Variants in SMG6 observed in about 807,000 individuals in gnomAD.
SMG6 encodes SMG6 nonsense mediated mRNA decay factor, also known as telomerase-binding protein EST1A.
In SMG6, 66 loss-of-function variants were observed where a neutral mutation model predicts 142.2. That is an observed-to-expected ratio of 0.46 (90% CI 0.38 to 0.57). The LOEUF (loss-of-function observed/expected upper bound fraction) is 0.57, where lower values mean the gene tolerates loss of function less well. Ranked by LOEUF, SMG6 falls within the 20% of genes least tolerant of loss-of-function variation. SMG6 has a pLI of 0.00. For missense variants in SMG6, 1,793 were observed against 1,832.0 expected (o/e 0.98, Z 0.39); for synonymous variants, 779 against 702.4 (o/e 1.11, Z -1.72).
intron 8 of SMG6, among the ~76,000 whole-genome samples, chr17:2,254,168 C>T (rs546468504): frequency 2.8e-4 from 42 of 152,292 alleles, no homozygotes; most frequent in African/African-American, 1.0e-3. Flanking sequence ...CTCTCTCATG[C>T]CTGGGAACTC....
At chr17:2,240,824 G>A (rs1376010682) in intron 9 of SMG6, among the ~76,000 whole-genome samples, 2 of 152,222 alleles carry the variant, frequency 1.3e-5, no homozygotes, top group African/African-American at 2.4e-5. Flanking sequence ...GGGCAGGCGG[G>A]AGAGTGATGT....
chr17:2,251,132 G>C (rs1458735012), intron 8 of SMG6, among the ~76,000 whole-genome samples: 1 of 132,372 alleles, frequency 7.6e-6, no homozygotes, highest in Non-Finnish European at 1.7e-5. Context: ...TGGAATCTAA[G>C]AAAAAAAAAA....
At chr17:2,139,144 A>G (rs1284214782) in intron 13 of SMG6, among the ~76,000 whole-genome samples, 1 of 152,210 alleles carries the variant, frequency 6.6e-6, no homozygotes, top group East Asian at 1.9e-4. Context: ...TTAAACCCTA[A>G]AAAAGGGAGA....
rs1412169618 is a variant in SMG6 at position 2,068,823 on chromosome 17, G to A, written c.3790C>T (p.Arg1264Trp). The A allele has an allele frequency of 8.7e-6, 14 of 1,614,206 alleles. No individual in the cohort carries two copies. The highest frequency in any genetic ancestry group is 1.3e-5 in the African/African-American group (1 of 75,060). The change falls in exon 16 of 19, where the codon CGG becomes TGG. Residue 1264 changes from arginine to tryptophan, a missense_variant. Coordinates refer to ENST00000263073, the MANE Select transcript of SMG6 (RefSeq NM_017575.5). This position sits in a 1 kb window ranked among gnomAD's most constrained non-coding sequence, Gnocchi z 6.7. ...ATGTACTTCCTGCTCTCCAGCAGCC[G>A]CGCCAGACTGGCCAGGTGGTCAATG... ...GFIDHLASLA[R>W]LLESRKYILV...
chr17:2,218,126 A>C (rs1171683338), intron 10 of SMG6, among the ~76,000 whole-genome samples: 9 of 152,180 alleles, frequency 5.9e-5, no homozygotes, highest in Admixed American at 2.0e-4. Flanking sequence ...GCCCCCACAG[A>C]CAGCCTACTC....
At chr17:2,248,905 G>A (rs1000272838) in intron 8 of SMG6, among the ~76,000 whole-genome samples, 3 of 131,860 alleles carry the variant, frequency 2.3e-5, no homozygotes, top group Admixed American at 1.5e-4. Context: ...TTTTTTTTTT[G>A]AGACAGAGTC....
At chr17:2,215,731 A>G (rs964481188) in intron 10 of SMG6, 2 of 151,944 alleles carry the variant, frequency 1.3e-5, no homozygotes, top group African/African-American at 2.4e-5. Context: ...ACGCAGAGAG[A>G]GAAAGAGAGA....
At chr17:2,130,266 C>CAAAAAAAAAAG (rs1487421688) in intron 13 of SMG6, among the ~76,000 whole-genome samples, 4 of 39,532 alleles carry the variant, frequency 1.0e-4, no homozygotes, top group Non-Finnish European at 1.6e-4. Context: ...GACTCCGTCT[C>CAAAAAAAAAAG]AAAAAAAAAA....
At chr17:2,244,917 A>C (rs1330225605) in intron 8 of SMG6, 198 bp from the exon 9 acceptor site, 1 of 587,568 alleles carries the variant, frequency 1.7e-6, no homozygotes, top group Non-Finnish European at 3.0e-6. Flanking sequence ...AGCCAAGATG[A>C]CAACAGGCTC....
chr17:2,230,006 T>C (rs2073424906), intron 10 of SMG6, among the ~76,000 whole-genome samples: 2 of 151,064 alleles, frequency 1.3e-5, no homozygotes, highest in Admixed American at 6.6e-5. Flanking sequence ...GCCAATGTGG[T>C]GAAACCCTGT....
intron 13 of SMG6, among the ~76,000 whole-genome samples, chr17:2,127,071 C>G (rs776514840): frequency 2.1e-5 from 3 of 139,546 alleles, no homozygotes; most frequent in Non-Finnish European, 4.5e-5. Context: ...CTTGGGAGTT[C>G]GAGGCTGCAG....
chr17:2,077,386 G>C (rs549302211), intron 15 of SMG6, among the ~76,000 whole-genome samples: 5 of 152,304 alleles, frequency 3.3e-5, no homozygotes, highest in East Asian at 3.9e-4. Context: ...GGGAGACCAG[G>C]GGGGGCTTCA....
chr17:2,156,381 GAC>G (rs148373867), intron 13 of SMG6, among the ~76,000 whole-genome samples: 39,134 of 108,612 alleles, frequency 0.36, 7,151 homozygotes, highest in African/African-American at 0.5. Context: ...GCAACAGAGA[GAC>G]ACTCCTTCTC....
intron 4 of SMG6, among the ~76,000 whole-genome samples, chr17:2,295,361 AAAAC>A (rs1444453665): frequency 6.6e-6 from 1 of 152,174 alleles, no homozygotes; most frequent in Non-Finnish European, 1.5e-5. Flanking sequence ...AAAAAAACGA[AAAAC>A]AAAGAACAAA....
intron 13 of SMG6, among the ~76,000 whole-genome samples, chr17:2,150,813 C>G (rs1397146368): frequency 6.6e-6 from 1 of 152,078 alleles, no homozygotes; most frequent in Non-Finnish European, 1.5e-5. Flanking sequence ...TTGACAGTGA[C>G]ATCTTACACC....
intron 13 of SMG6, among the ~76,000 whole-genome samples, chr17:2,171,356 AGTGTGTGTGT>A (rs10601842): frequency 2.0e-5 from 3 of 149,412 alleles, no homozygotes; most frequent in East Asian, 2.0e-4. Context: ...AAAATGAAAG[AGTGTGTGTGT>A]GTGTGTGTGT....
At chr17:2,212,896 A>G (rs1422638372) in intron 10 of SMG6, among the ~76,000 whole-genome samples, 1 of 152,254 alleles carries the variant, frequency 6.6e-6, no homozygotes, top group Non-Finnish European at 1.5e-5. Context: ...TCTGCATGCA[A>G]TGCTCAGGGC....
intron 13 of SMG6, chr17:2,088,330 G>A (rs2068622358): frequency 1.0e-6 from 1 of 985,426 alleles, no homozygotes; most frequent in African/African-American, 1.7e-5. Flanking sequence ...GCAGGACCCA[G>A]GGATGTGGAC....
intron 13 of SMG6, among the ~76,000 whole-genome samples, chr17:2,140,936 T>C (rs1225725855): frequency 6.6e-6 from 1 of 152,198 alleles, no homozygotes; most frequent in African/African-American, 2.4e-5. Context: ...CTCAACTGTT[T>C]ATGATTCAAA....
Sources: allele counts gnomAD v4.1 joint callset (sites outside exome capture counted in the v4.1 genomes callset), GRCh38; gene constraint gnomAD v4.1.1; non-coding constraint Gnocchi (gnomAD v3.1); transcripts MANE v1.5; gene names NCBI Gene and HGNC (gene_info 2026-07-23, HGNC 2026-07-21).